PDK1: variants seen among roughly 807,000 people sequenced by gnomAD.
PDK1 encodes the protein [Pyruvate dehydrogenase (acetyl-transferring)] kinase isozyme 1, mitochondrial.
Under a neutral mutation model 54.2 loss-of-function variants are expected in PDK1, and 39 were observed. The observed-to-expected ratio is 0.72, with a 90% CI of 0.56 to 0.94. The LOEUF is 0.94. Among genes scored for constraint, PDK1 ranks in the 40% least tolerant of loss-of-function variants. The pLI, the probability that PDK1 is intolerant of heterozygous loss-of-function variation, is 0.00. For synonymous variants in PDK1, 221 were observed against 207.1 expected, an observed-to-expected ratio of 1.07 and a Z score of -0.58; for missense variants, 552 against 566.0, an observed-to-expected ratio of 0.98 and a Z score of 0.25.
At chr2:172,715,136 T>C in the PDK1 span, among the ~76,000 whole-genome samples, 3 of 152,292 alleles carry the variant, frequency 2.0e-5, no homozygotes, top group East Asian at 5.8e-4. Flanking sequence ...CCTTTTTTCT[T>C]GAAATCACTT....
the PDK1 span, among the ~76,000 whole-genome samples, chr2:172,698,782 T>TTCTA: frequency 1.3e-5 from 2 of 152,146 alleles, no homozygotes; most frequent in East Asian, 3.9e-4. Flanking sequence ...CGTGAGGAGG[T>TTCTA]ATTAAACAAC....
chr2:172,707,310 C>T, the PDK1 span, among the ~76,000 whole-genome samples: 7 of 152,156 alleles, frequency 4.6e-5, no homozygotes, highest in Non-Finnish European at 8.8e-5. Context: ...TCATTACAGC[C>T]TGGTGTGGTT....
At position 172,602,523 on chromosome 2, in the gene PDK1, T is replaced by C. The variant is rs1156447733; in HGVS notation, c.*6554T>C. 1 of 152,180 alleles carries C rather than the reference T, an allele frequency of 6.6e-6. No homozygotes were observed. Among genetic ancestry groups the C allele is most frequent in the Non-Finnish European group, 1.5e-5 (1 of 68,020 alleles). 9.4% of individuals were successfully genotyped at this position (152,180 alleles called of 1,614,324 possible). A position where few individuals can be genotyped will look rare whatever the true frequency, so the allele number is the denominator to read the frequency against. On this transcript the variant is annotated 3_prime_UTR_variant, in exon 11 of 11. Coordinates refer to ENST00000282077, the MANE Select transcript of PDK1 (RefSeq NM_002610.5). The stretch of plus-strand genomic sequence containing the variant: ...ATGTAAGACAGACATACTGGAATTG[T>C]CTATGAGGTTGGATCCATGGGCCTG...
At chr2:172,684,482 G>A in the PDK1 span, among the ~76,000 whole-genome samples, 1 of 152,124 alleles carries the variant, frequency 6.6e-6, no homozygotes, top group African/African-American at 2.4e-5. Context: ...GTGACAGGAA[G>A]GGGGCTAGAT....
At chr2:172,583,483 A>G (rs913674941) in intron 8 of PDK1, among the ~76,000 whole-genome samples, 10 of 151,594 alleles carry the variant, frequency 6.6e-5, no homozygotes, top group Admixed American at 5.3e-4. Context: ...TAGTAGAGAC[A>G]GGGTTTTGCC....
At chr2:172,589,763 A>G (rs16860696) in intron 9 of PDK1, among the ~76,000 whole-genome samples, 31,144 of 152,166 alleles carry the variant, frequency 0.2, 4,242 homozygotes, top group African/African-American at 0.38. Context: ...AGCATGCTAT[A>G]TGGAATGTCA....
At position 172,606,175 on chromosome 2, in the gene PDK1, A is replaced by G. The variant is rs1398622552; in HGVS notation, c.*10206A>G. ...GGGAGAAATATACAGCTAATTTAAC[A>G]ACAAATGACTGTCCTAATTCTGGAG... is the stretch of plus-strand genomic sequence containing the variant. On this transcript the variant is annotated 3_prime_UTR_variant, in exon 11 of 11. Transcript: ENST00000282077. 1 of 152,244 alleles carries G rather than the reference A, an allele frequency of 6.6e-6. No individual in the cohort carries two copies. Among genetic ancestry groups the G allele is most frequent in the Non-Finnish European group, 1.5e-5 (1 of 68,070 alleles). 9.4% of individuals were successfully genotyped at this position (152,244 alleles called of 1,614,324 possible).
At chr2:172,721,974 T>C in the PDK1 span, among the ~76,000 whole-genome samples, 1 of 152,262 alleles carries the variant, frequency 6.6e-6, no homozygotes, top group Non-Finnish European at 1.5e-5. Flanking sequence ...AACTACACTT[T>C]ATAGCTTGCC....
At chr2:172,715,224 A>G in the PDK1 span, among the ~76,000 whole-genome samples, 2 of 152,280 alleles carry the variant, frequency 1.3e-5, no homozygotes, top group African/African-American at 2.4e-5. Context: ...ACCCCATAGC[A>G]GGATTCCTGA....
At chr2:172,696,650 T>G in the PDK1 span, among the ~76,000 whole-genome samples, 1 of 152,228 alleles carries the variant, frequency 6.6e-6, no homozygotes. Flanking sequence ...TAGCTTATTT[T>G]CTCTTTATTT....
intron 2 of PDK1, among the ~76,000 whole-genome samples, chr2:172,560,814 A>G (rs1366162990): frequency 6.6e-6 from 1 of 152,240 alleles, no homozygotes; most frequent in Non-Finnish European, 1.5e-5. Context: ...TACAGCCTTC[A>G]TTAATGTTAC....
the PDK1 span, among the ~76,000 whole-genome samples, chr2:172,693,625 G>C: frequency 6.6e-6 from 1 of 152,190 alleles, no homozygotes. Flanking sequence ...GATGGGGTCA[G>C]AGTTGGGCAG....
the PDK1 span, among the ~76,000 whole-genome samples, chr2:172,638,279 C>T: frequency 1.3e-5 from 2 of 152,236 alleles, no homozygotes; most frequent in African/African-American, 4.8e-5. Flanking sequence ...TGATGCCACT[C>T]GTTACTACAA....
chr2:172,612,842 T>C (rs959719505), downstream of PDK1, among the ~76,000 whole-genome samples: 3 of 152,134 alleles, frequency 2.0e-5, no homozygotes, highest in Non-Finnish European at 4.4e-5. Context: ...GTATTTTTAG[T>C]GGAGACGGGG....
At chr2:172,642,787 A>ACTC in the PDK1 span, among the ~76,000 whole-genome samples, 13,064 of 144,038 alleles carry the variant, frequency 0.091, 1,187 homozygotes, top group East Asian at 0.52. Context: ...TCCTCCTCCC[A>ACTC]CTCCTCCTCC....
At chr2:172,576,843 T>C (rs969408411) in intron 8 of PDK1, among the ~76,000 whole-genome samples, 6 of 152,214 alleles carry the variant, frequency 3.9e-5, no homozygotes, top group Non-Finnish European at 7.3e-5. Flanking sequence ...ATTTCAAGTA[T>C]ACATCTATTG....
At chr2:172,633,815 G>A in the PDK1 span, among the ~76,000 whole-genome samples, 2,276 of 132,204 alleles carry the variant, frequency 0.017, 57 homozygotes, top group African/African-American at 0.06. Flanking sequence ...CACCTTCCCA[G>A]TATTGTTTTA....
At chr2:172,665,525 T>C in the PDK1 span, among the ~76,000 whole-genome samples, 2 of 152,230 alleles carry the variant, frequency 1.3e-5, no homozygotes, top group Admixed American at 6.5e-5. Context: ...AATTCACTTT[T>C]TGTCCTTTGT....
the PDK1 span, among the ~76,000 whole-genome samples, chr2:172,653,244 G>T: frequency 1.3e-5 from 2 of 152,056 alleles, no homozygotes; most frequent in Admixed American, 6.5e-5. Context: ...TTAATAAATG[G>T]TGCTGTGAAA....
Sources: allele counts gnomAD v4.1 joint callset (sites outside exome capture counted in the v4.1 genomes callset), GRCh38; gene constraint gnomAD v4.1.1; transcripts MANE v1.5; gene names NCBI Gene and HGNC (gene_info 2026-07-23, HGNC 2026-07-21).